The following CERT1 variants were observed in gnomAD, a reference collection of about 807,000 sequenced individuals.
CERT1 encodes the protein ceramide transfer protein.
In CERT1, 31 loss-of-function variants were observed where a neutral mutation model predicts 87.9. The observed-to-expected ratio is 0.35, with a 90% CI of 0.27 to 0.48. CERT1 has a LOEUF of 0.48. CERT1 is among the 20% of genes least tolerant of loss of function. CERT1 has a pLI of 0.99. For synonymous variants in CERT1, 289 were observed against 250.9 expected (o/e 1.15, Z -1.44); for missense variants, 487 against 758.0 (o/e 0.64, Z 4.20).
intron 3 of CERT1, among the ~76,000 whole-genome samples, chr5:75,453,050 T>C (rs929243999): frequency 2.0e-4 from 31 of 152,332 alleles, no homozygotes; most frequent in African/African-American, 7.0e-4. Context: ...TGCTGTATAA[T>C]GTCACATTGA....
chr5:75,463,193 T>C (rs1181922116), intron 2 of CERT1, among the ~76,000 whole-genome samples: 9 of 151,980 alleles, frequency 5.9e-5, no homozygotes, highest in Non-Finnish European at 1.2e-4. Context: ...TTAACACGAA[T>C]ATATATTCTG....
At chr5:75,429,788 A>G (rs1225615013) in intron 3 of CERT1, among the ~76,000 whole-genome samples, 1 of 151,828 alleles carries the variant, frequency 6.6e-6, no homozygotes, top group Non-Finnish European at 1.5e-5. Context: ...TGGCAGTGTT[A>G]AGTGCTGAAA....
intron 11 of CERT1, among the ~76,000 whole-genome samples, chr5:75,393,384 T>G (rs1352051104): frequency 1.3e-5 from 2 of 151,692 alleles, no homozygotes; most frequent in East Asian, 3.9e-4. Context: ...ATCTCACATT[T>G]GAATCACTCA....
At chr5:75,503,377 A>G (rs1024199396) in intron 2 of CERT1, among the ~76,000 whole-genome samples, 1 of 152,022 alleles carries the variant, frequency 6.6e-6, no homozygotes, top group African/African-American at 2.4e-5. Flanking sequence ...GCCCATATTT[A>G]AGGAAAAAAA....
At chr5:75,377,434 T>G (rs1394182198), downstream of CERT1, 1 of 152,230 alleles carries the variant, frequency 6.6e-6, no homozygotes, top group Non-Finnish European at 1.5e-5. Context: ...ATGGATACAA[T>G]TATGACACTG....
intron 2 of CERT1, among the ~76,000 whole-genome samples, chr5:75,460,774 T>C (rs1430471218): frequency 6.6e-6 from 1 of 152,226 alleles, no homozygotes. Flanking sequence ...TCAGTTTATT[T>C]AGCAAACACA....
chr5:75,504,238 C>T (rs912028712), intron 2 of CERT1, among the ~76,000 whole-genome samples: 5 of 152,000 alleles, frequency 3.3e-5, no homozygotes, highest in South Asian at 4.2e-4. Context: ...TGATCTATCT[C>T]GGAAGAAAAA....
At chr5:75,444,160 A>T (rs534567666) in intron 3 of CERT1, among the ~76,000 whole-genome samples, 1 of 152,194 alleles carries the variant, frequency 6.6e-6, no homozygotes, top group South Asian at 2.1e-4. Context: ...GGTTCAAGCA[A>T]GTCTCCTGCC....
intron 3 of CERT1, among the ~76,000 whole-genome samples, chr5:75,454,359 A>G (rs1374148212): frequency 1.3e-5 from 2 of 152,224 alleles, no homozygotes; most frequent in Non-Finnish European, 2.9e-5. Context: ...GTTATATTAT[A>G]CATTATTTTA....
intron 11 of CERT1, among the ~76,000 whole-genome samples, chr5:75,398,217 T>C (rs1466991222): frequency 6.6e-6 from 1 of 152,168 alleles, no homozygotes; most frequent in Non-Finnish European, 1.5e-5. Flanking sequence ...GGTTAAAAAC[T>C]AATGTAAACT....
intron 14 of CERT1, among the ~76,000 whole-genome samples, chr5:75,383,574 T>C (rs900583890): frequency 6.6e-6 from 1 of 152,174 alleles, no homozygotes; most frequent in Non-Finnish European, 1.5e-5. Flanking sequence ...TTAATTGTTA[T>C]GCATTTCTGA....
chr5:75,417,130 G>A (rs1262693961), intron 6 of CERT1, 97 bp from the exon 7 acceptor site: 1 of 992,262 alleles, frequency 1.0e-6, no homozygotes, highest in Non-Finnish European at 1.5e-6. Context: ...GCAAGTCAGA[G>A]CAGGTTTTGG....
At position 75,416,915 on chromosome 5, in the gene CERT1, C is replaced by T. The variant is rs1561247529; in HGVS notation, c.798G>A (p.Met266Ile). Reference protein sequence around the residue: ...LATLSHCIELMVKREDSWQKR... With the variant: ...LATLSHCIELIVKREDSWQKR... ...TCTGCCAGCTGTCCTCACGTTTAAC[C>T]ATTAGTTCAATACAATGAGAAAGTG... Residue 266 changes from methionine to isoleucine, a missense_variant, in exon 7 of 17, where the codon ATG (methionine) becomes ATA (isoleucine). Coordinates refer to ENST00000643780, the MANE Select transcript of CERT1 (RefSeq NM_001379029.1). 1 of 1,612,978 alleles carries T rather than the reference C, an allele frequency of 6.2e-7. No homozygotes were observed. The highest frequency in any genetic ancestry group is 1.3e-5 in the African/African-American group (1 of 74,982).
chr5:75,468,535 A>T (rs1282378837), intron 2 of CERT1, among the ~76,000 whole-genome samples: 2 of 152,218 alleles, frequency 1.3e-5, no homozygotes, highest in East Asian at 3.9e-4. Flanking sequence ...CAGGTGGTAA[A>T]CTATAGCCCT....
intron 7 of CERT1, among the ~76,000 whole-genome samples, chr5:75,413,211 T>G (rs958276458): frequency 2.6e-5 from 4 of 152,320 alleles, no homozygotes; most frequent in African/African-American, 9.6e-5. Flanking sequence ...TCAGCTCCAT[T>G]ATCATGTTAT....
At chr5:75,493,471 T>C (rs929262201) in intron 2 of CERT1, among the ~76,000 whole-genome samples, 6 of 152,252 alleles carry the variant, frequency 3.9e-5, no homozygotes, top group African/African-American at 1.4e-4. Context: ...AAAATAATTA[T>C]TCTTCAGAAG....
intron 2 of CERT1, among the ~76,000 whole-genome samples, chr5:75,489,365 A>T (rs958206685): frequency 3.3e-5 from 5 of 152,260 alleles, no homozygotes; most frequent in Admixed American, 2.6e-4. Context: ...AAACACCAAA[A>T]GCAATGGCAA....
At chr5:75,491,223 G>C (rs1580847676) in intron 2 of CERT1, among the ~76,000 whole-genome samples, 1 of 152,216 alleles carries the variant, frequency 6.6e-6, no homozygotes, top group South Asian at 2.1e-4. Context: ...CCAAAGTCTA[G>C]ATACCTCAGT....
rs2112492816 is a variant in CERT1, at chr5:75,511,099, A to AG, written c.96+12dup. 6.5e-7 allele frequency: 1 copy of AG among 1,539,142 alleles called. No individual in the cohort carries two copies. Among genetic ancestry groups the AG allele is most frequent in the Non-Finnish European group, 8.7e-7 (1 of 1,143,102 alleles). ...GTCTGGCCAGGGGTCCCTTGGCACCAGGGGTTGCTCACCTTACTGAGGACC... is the reference window on the plus strand; with the variant it reads ...GTCTGGCCAGGGGTCCCTTGGCACCAGGGGGTTGCTCACCTTACTGAGGACC... On this transcript the variant is annotated intron_variant, in intron 1 of 16. Coordinates refer to ENST00000643780, the MANE Select transcript of CERT1 (RefSeq NM_001379029.1).
Sources: allele counts gnomAD v4.1 joint callset (sites outside exome capture counted in the v4.1 genomes callset), GRCh38; gene constraint gnomAD v4.1.1; transcripts MANE v1.5; gene names NCBI Gene and HGNC (gene_info 2026-07-23, HGNC 2026-07-21).